Variants in PHLDB2 observed in about 807,000 individuals in gnomAD.
The protein encoded by PHLDB2 is pleckstrin homology like domain family B member 2, also known as pleckstrin homology-like domain family B member 2.
PHLDB2 carries 71 observed loss-of-function variants against 123.6 expected under a neutral mutation model. The observed-to-expected ratio is 0.57, with a 90% confidence interval of 0.47 to 0.70. The LOEUF (loss-of-function observed/expected upper bound fraction) is 0.70. Among genes scored for constraint, PHLDB2 ranks in the 30% least tolerant of loss-of-function variants. The probability of loss-of-function intolerance (pLI) is 0.00; values close to 1 mark genes in which losing one functional copy is unlikely to be tolerated. For synonymous variants in PHLDB2, 547 were observed against 541.6 expected, an observed-to-expected ratio of 1.01 and a Z score of -0.14; for missense variants, 1,446 against 1,519.5, an observed-to-expected ratio of 0.95 and a Z score of 0.80.
chr3:111,943,190 G>A (rs922185198), intron 8 of PHLDB2, among the ~76,000 whole-genome samples: 2 of 152,128 alleles, frequency 1.3e-5, no homozygotes, highest in African/African-American at 4.8e-5. Flanking sequence ...ACAAATACAT[G>A]TATATTAAAT....
At chr3:111,959,146 CTG>C (rs1278525386) in intron 12 of PHLDB2, among the ~76,000 whole-genome samples, 1 of 152,236 alleles carries the variant, frequency 6.6e-6, no homozygotes, top group Non-Finnish European at 1.5e-5. Flanking sequence ...GACGTTTCCT[CTG>C]TTTAAAATAT....
chr3:111,779,724 A>C (rs1185879056), intron 1 of PHLDB2: 1 of 436,732 alleles, frequency 2.3e-6, no homozygotes, highest in Non-Finnish European at 3.0e-6. Context: ...TGCTCTTGTG[A>C]ATGGCGTTAA....
chr3:111,955,349 G>T (rs1455177895), intron 12 of PHLDB2, among the ~76,000 whole-genome samples: 1 of 151,908 alleles, frequency 6.6e-6, no homozygotes, highest in South Asian at 2.1e-4. Flanking sequence ...TTCTTTTGAT[G>T]TTTATAAATA....
intron 1 of PHLDB2, among the ~76,000 whole-genome samples, chr3:111,780,271 A>AGAAAGAAGAAGAAGAAGAAGAAGAAGAAG (rs34178824): frequency 2.6e-4 from 2 of 7,790 alleles, no homozygotes; most frequent in African/African-American, 8.2e-4. Context: ...AAGAAGAAGA[A>AGAAAGAAGAAGAAGAAGAAGAAGAAGAAG]AAGAAGAAGA....
chr3:111,967,549 T>C, intron 14 of PHLDB2, 129 bp from the exon 15 acceptor site: 1 of 918,654 alleles, frequency 1.1e-6, no homozygotes, highest in Non-Finnish European at 1.5e-6. Context: ...TCTTGTAGGT[T>C]ATGTATTATA....
intron 1 of PHLDB2, among the ~76,000 whole-genome samples, chr3:111,823,465 T>C (rs1410306482): frequency 5.3e-5 from 8 of 152,176 alleles, no homozygotes; most frequent in Non-Finnish European, 1.2e-4. Flanking sequence ...TGACAAGTTT[T>C]TAAGGAAAAC....
At chr3:111,865,234 C>T (rs933967818) in intron 1 of PHLDB2, among the ~76,000 whole-genome samples, 1 of 152,120 alleles carries the variant, frequency 6.6e-6, no homozygotes, top group Non-Finnish European at 1.5e-5. Flanking sequence ...AAACTGCAAG[C>T]CATGGGAATG....
At position 111,859,491 on chromosome 3, in the gene PHLDB2, C is replaced by A; in HGVS notation, c.-100C>A. On this transcript the variant is annotated 5_prime_UTR_variant, in exon 1 of 18. Coordinates refer to ENST00000431670, the MANE Select transcript of PHLDB2 (RefSeq NM_001134438.2). ...GCCCACCATTGCGGCCCGAGGGGGA[C>A]CCGACGGGGGCCCGACGGTGTGGCG... The A allele has an allele frequency of 1.0e-6, 1 of 985,612 alleles. No homozygotes were observed. The highest frequency in any genetic ancestry group is 4.7e-5 in the South Asian group (1 of 21,296). The allele number at this position is 985,612 out of a possible 1,614,324, so 61.1% of individuals were successfully genotyped here.
intron 1 of PHLDB2, among the ~76,000 whole-genome samples, chr3:111,793,834 G>A (rs2061032697): frequency 6.6e-6 from 1 of 151,632 alleles, no homozygotes. Flanking sequence ...TGGAATGGGG[G>A]CCTCAGGACT....
intron 2 of PHLDB2, chr3:111,911,715 TGAAAGG>T (rs1256941512): frequency 5.9e-6 from 9 of 1,536,024 alleles, no homozygotes; most frequent in Non-Finnish European, 6.1e-6. Context: ...GTTCAGGCAG[TGAAAGG>T]GAGGTGCGAG....
chr3:111,952,776 A>C, intron 11 of PHLDB2, 64 bp downstream of exon 11: 1 of 1,556,008 alleles, frequency 6.4e-7, no homozygotes, highest in Non-Finnish European at 8.7e-7. Flanking sequence ...ATATTCACTG[A>C]TGTGTAAAGG....
At chr3:111,966,573 C>G (rs1179630067) in intron 13 of PHLDB2, 40 bp from the exon 14 acceptor site, 2 of 1,457,080 alleles carry the variant, frequency 1.4e-6, no homozygotes, top group Admixed American at 3.5e-5. Flanking sequence ...ACTTCTCAGT[C>G]TAAACCAATA....
chr3:111,919,107 G>A lies in PHLDB2; in HGVS notation c.1755G>A (p.Gln585=), dbSNP rs1209003191. The change falls in exon 4 of 18, where the codon CAG becomes CAA. Residue 585 remains glutamine (Q), a synonymous_variant. Transcript: ENST00000431670. ...PEGISEEQRS[Q]ELAAMEETRI... ...GTATAAGTGAAGAACAGAGATCTCA[G>A]GAGTTGGCTGCAATGGAAGAAACCC... 1 of 1,614,096 alleles carries A rather than the reference G, an allele frequency of 6.2e-7. No homozygotes were observed. Among genetic ancestry groups the A allele is most frequent in the Non-Finnish European group, 8.5e-7 (1 of 1,179,920 alleles).
intron 5 of PHLDB2, among the ~76,000 whole-genome samples, chr3:111,926,044 A>G (rs965287243): frequency 5.3e-5 from 8 of 152,210 alleles, no homozygotes; most frequent in Non-Finnish European, 1.2e-4. Context: ...CCTTTTGTTT[A>G]AGGACAAATA....
At chr3:111,947,745 G>A (rs1010816750) in intron 9 of PHLDB2, among the ~76,000 whole-genome samples, 4 of 152,052 alleles carry the variant, frequency 2.6e-5, no homozygotes, top group African/African-American at 9.7e-5. Flanking sequence ...AAAACTTTAC[G>A]TGATATCTAT....
chr3:111,878,457 G>A (rs1444873552), intron 1 of PHLDB2, among the ~76,000 whole-genome samples: 1 of 152,210 alleles, frequency 6.6e-6, no homozygotes, highest in African/African-American at 2.4e-5. Flanking sequence ...TTTGGGCTGA[G>A]ACGATGGGGT....
intron 1 of PHLDB2, among the ~76,000 whole-genome samples, chr3:111,830,973 GAA>G (rs1260552832): frequency 2.7e-5 from 1 of 36,632 alleles, no homozygotes; most frequent in Non-Finnish European, 4.9e-5. Flanking sequence ...AAGAAAGAAA[GAA>G]AGAAAGAAAG....
chr3:111,851,194 TAAAAAAA>T (rs11309576), intron 2 of PHLDB2, among the ~76,000 whole-genome samples: 3 of 103,658 alleles, frequency 2.9e-5, no homozygotes, highest in African/African-American at 7.3e-5. Context: ...GATTCTGTCT[TAAAAAAA>T]AAAAAAAAAA....
At chr3:111,862,056 G>A (rs976898278) in intron 1 of PHLDB2, among the ~76,000 whole-genome samples, 1 of 152,092 alleles carries the variant, frequency 6.6e-6, no homozygotes, top group Non-Finnish European at 1.5e-5. Context: ...TGGTCAGGCT[G>A]GTCTCAAACT....
Sources: allele counts gnomAD v4.1 joint callset (sites outside exome capture counted in the v4.1 genomes callset), GRCh38; gene constraint gnomAD v4.1.1; transcripts MANE v1.5; gene names NCBI Gene and HGNC (gene_info 2026-07-23, HGNC 2026-07-21).